Variants in MAP3K10 observed in about 807,000 individuals in gnomAD.
The protein encoded by MAP3K10 is MKN28 derived nonreceptor_type serine/threonine kinase.
MAP3K10 carries 22 observed loss-of-function variants against 75.0 expected under a neutral mutation model. The ratio of observed to expected loss-of-function variants is 0.29; its 90% CI spans 0.21 to 0.42. The LOEUF (loss-of-function observed/expected upper bound fraction) is 0.42. Among genes scored for constraint, MAP3K10 ranks in the 10% least tolerant of loss-of-function variants. MAP3K10 has a pLI of 1.00. For missense variants in MAP3K10, 1,165 were observed against 1,379.8 expected (o/e 0.84, Z 2.47); for synonymous variants, 599 against 612.9 (o/e 0.98, Z 0.34).
At position 40,214,018 on chromosome 19, in the gene MAP3K10, C is replaced by T; in HGVS notation, c.2339C>T (p.Pro780Leu). 2.0e-6 allele frequency: 3 copies of T among 1,508,052 alleles called. No individual in the cohort carries two copies. The highest frequency in any genetic ancestry group is 2.7e-6 in the Non-Finnish European group (3 of 1,131,608). 93.4% of individuals were successfully genotyped at this position (1,508,052 alleles called of 1,614,324 possible). A position where few individuals can be genotyped will look rare whatever the true frequency, so the allele number is the denominator to read the frequency against. ...GCCGCGCCCTCCCCACCACCCTCCC[C>T]GCCCGCGCCCACACCCACGCCCTCG... is the stretch of plus-strand genomic sequence containing the variant. ...APAAPSPPPS[P>L]PAPTPTPSPS... The change falls in exon 9 of 10, where the codon CCG becomes CTG. Residue 780 changes from proline to leucine, a missense_variant. Pro to Leu is a moderately conservative substitution (Grantham distance 98). Coordinates refer to ENST00000253055, the MANE Select transcript of MAP3K10 (RefSeq NM_002446.4).
chr19:40,198,656 C>T lies in MAP3K10; in HGVS notation c.863+101C>T. On this transcript the variant is annotated intron_variant, in intron 2 of 9. Coordinates refer to ENST00000253055, the MANE Select transcript of MAP3K10 (RefSeq NM_002446.4). This position sits in a 1 kb window ranked among gnomAD's most constrained non-coding sequence, Gnocchi z 4.3. ...GGGTCTCCTGCTGAAGCCAGGATCT[C>T]AGTCTGACAAAGGGACCTGCTGGCA... The T allele has an allele frequency of 7.9e-7, 1 of 1,265,798 alleles. No homozygotes were observed. The allele number at this position is 1,265,798 out of a possible 1,614,324, so 78.4% of individuals were successfully genotyped here.
rs1599921649 is a variant in MAP3K10 at position 40,215,477 on chromosome 19, A to C, written c.*185A>C. 1 of 604,260 alleles carries C rather than the reference A, an allele frequency of 1.7e-6. No individual in the cohort carries two copies. The allele number at this position is 604,260 out of a possible 1,614,324, so 37.4% of individuals were successfully genotyped here. A position where few individuals can be genotyped will look rare whatever the true frequency, so the allele number is the denominator to read the frequency against. ...CCCCAGGGGGTGGAGCCCTGTGCCC[A>C]CCCTGCACTGGGGGGAGGGTGGGCA... is the stretch of plus-strand genomic sequence containing the variant. On this transcript the variant is annotated 3_prime_UTR_variant, in exon 10 of 10. Coordinates refer to ENST00000253055, the MANE Select transcript of MAP3K10 (RefSeq NM_002446.4).
At chr19:40,200,055 G>T (rs1457259396) in intron 2 of MAP3K10, among the ~76,000 whole-genome samples, 1 of 152,118 alleles carries the variant, frequency 6.6e-6, no homozygotes, top group Non-Finnish European at 1.5e-5. Flanking sequence ...GGCACTTTGG[G>T]AGGCCGAGGT....
chr19:40,207,015 C>T (rs1302755189), intron 5 of MAP3K10, among the ~76,000 whole-genome samples: 1 of 152,110 alleles, frequency 6.6e-6, no homozygotes, highest in African/African-American at 2.4e-5. Context: ...ACAAGCATCG[C>T]TTGAACCCGG....
intron 5 of MAP3K10, among the ~76,000 whole-genome samples, chr19:40,207,056 G>C (rs1473737801): frequency 6.6e-6 from 1 of 151,814 alleles, no homozygotes; most frequent in African/African-American, 2.4e-5. Context: ...CCGAGATTGT[G>C]CCACTGCACT....
rs527390894 is a variant in MAP3K10 at position 40,200,451 on chromosome 19, T to A, written c.863+1896T>A. Among the ~76,000 whole-genome samples, 5 of 152,040 alleles carry A rather than the reference T, an allele frequency of 3.3e-5. No homozygotes were observed. In the East Asian group the frequency reaches 9.7e-4, roughly 29 times the overall value. On this transcript the variant is annotated intron_variant, in intron 2 of 9. Transcript: ENST00000253055. Reference sequence around the variant, plus strand: ...AAACCTGGGTCTCCCCATTTACTGTTCCCGTCAATTCCCAGCTGAGGCTCC... The same window carrying A: ...AAACCTGGGTCTCCCCATTTACTGTACCCGTCAATTCCCAGCTGAGGCTCC...
intron 1 of MAP3K10, among the ~76,000 whole-genome samples, chr19:40,196,924 A>G (rs1420651701): frequency 6.6e-6 from 1 of 152,178 alleles, no homozygotes; most frequent in East Asian, 1.9e-4. Context: ...CATGATCCTC[A>G]TGGCTGTTAG....
intron 2 of MAP3K10, among the ~76,000 whole-genome samples, chr19:40,201,864 T>C: frequency 6.7e-6 from 1 of 148,248 alleles, no homozygotes; most frequent in Non-Finnish European, 1.5e-5. Flanking sequence ...GTTTGTTACA[T>C]AGGTATACAT....
intron 2 of MAP3K10, among the ~76,000 whole-genome samples, chr19:40,202,354 ATGT>A (rs1973042393): frequency 6.6e-6 from 1 of 151,864 alleles, no homozygotes; most frequent in Admixed American, 6.6e-5. Flanking sequence ...TTTCTTACCC[ATGT>A]TGTTTTTGTT....
Position 40,215,067 on chromosome 19 carries a change from C to G in MAP3K10, c.2640C>G (p.Thr880=). The change falls in exon 10 of 10, where the codon ACC becomes ACG. Residue 880 remains threonine (T), a synonymous_variant. Coordinates refer to ENST00000253055, the MANE Select transcript of MAP3K10 (RefSeq NM_002446.4). ...RPPEFPGRPT[T]LTFAPRPRPA... ...CTGAGTTCCCAGGCCGCCCCACCAC[C>G]CTGACCTTTGCCCCGAGACCTCGGC... The G allele has an allele frequency of 6.2e-7, 1 of 1,609,702 alleles. No homozygotes were observed. Among genetic ancestry groups the G allele is most frequent in the African/African-American group, 1.3e-5 (1 of 74,480 alleles).
rs756990388 is a variant in MAP3K10, at chr19:40,209,177, C to G, written c.1510C>G (p.Pro504Ala). ...KRKGSDGASP[P>A]ASPSIIPRLR... ...GAAAGGATCCGATGGGGCCAGCCCCCCTGCAAGCCCCAGCATCATCCCCCG... is the reference window on the plus strand; with the variant it reads ...GAAAGGATCCGATGGGGCCAGCCCCGCTGCAAGCCCCAGCATCATCCCCCG... The change falls in exon 6 of 10, where the codon CCT (proline) becomes GCT (alanine). Residue 504 changes from proline to alanine, a missense_variant. Around this residue, in one of 2 missense-constraint regions of MAP3K10, gnomAD observed 575 missense variants for 793.2 expected, o/e 0.72. Coordinates refer to ENST00000253055, the MANE Select transcript of MAP3K10 (RefSeq NM_002446.4). 1.1e-5 allele frequency: 18 copies of G among 1,614,234 alleles called. No individual in the cohort carries two copies. Among genetic ancestry groups the G allele is most frequent in the African/African-American group, 6.7e-5 (5 of 75,074 alleles).
intron 1 of MAP3K10, among the ~76,000 whole-genome samples, chr19:40,193,329 G>A (rs1012518778): frequency 2.0e-5 from 3 of 152,174 alleles, no homozygotes; most frequent in East Asian, 1.9e-4. Context: ...TTCATAGGCC[G>A]AGCTGGCCAA....
chr19:40,192,970 A>T lies in MAP3K10; in HGVS notation c.682+257A>T, dbSNP rs751969196. Among the ~76,000 whole-genome samples, 3 of 152,176 alleles carry T rather than the reference A, an allele frequency of 2.0e-5. No individual in the cohort carries two copies. Among genetic ancestry groups the T allele is most frequent in the Non-Finnish European group, 2.9e-5 (2 of 68,028 alleles). ...TCGCTCAGTAAACATGTATCCATGA[A>T]CACCTGCGTTCCCTGCATGAACAGG... On this transcript the variant is annotated intron_variant, in intron 1 of 9. Transcript: ENST00000253055. The surrounding 1 kb of genome is among the most constrained non-coding windows in gnomAD (Gnocchi z 7.1).
At chr19:40,194,385 G>A (rs545108503) in intron 1 of MAP3K10, among the ~76,000 whole-genome samples, 3 of 151,996 alleles carry the variant, frequency 2.0e-5, no homozygotes, top group African/African-American at 4.8e-5. Context: ...ATGTGACCAC[G>A]ATGTGCCAGA....
At chr19:40,214,244 AG>A (rs1973307637) in intron 9 of MAP3K10, 23 bp downstream of exon 9, 5 of 1,371,412 alleles carry the variant, frequency 3.6e-6, no homozygotes, top group South Asian at 3.3e-5. Flanking sequence ...CCCTGCACCC[AG>A]GTCACAGAAA....
At position 40,192,231 on chromosome 19, in the gene MAP3K10, G is replaced by C; in HGVS notation, c.200G>C (p.Arg67Pro). The C allele has an allele frequency of 7.5e-6, 12 of 1,604,664 alleles. No homozygotes were observed. Among genetic ancestry groups the C allele is most frequent in the Non-Finnish European group, 8.5e-6 (10 of 1,177,278 alleles). Residue 67 changes from arginine to proline, a missense_variant, in exon 1 of 10, where the codon CGC becomes CCC. Around this residue, in one of 2 missense-constraint regions of MAP3K10, gnomAD observed 575 missense variants for 793.2 expected, o/e 0.72. Coordinates refer to ENST00000253055, the MANE Select transcript of MAP3K10 (RefSeq NM_002446.4). This position sits in a 1 kb window ranked among gnomAD's most constrained non-coding sequence, Gnocchi z 7.1. Reference sequence around the variant, plus strand: ...TGGACCGGGCAGCTCCCCAGCGGCCGCGTGGGCGTCTTCCCCAGCAACTAC... The same window carrying C: ...TGGACCGGGCAGCTCCCCAGCGGCCCCGTGGGCGTCTTCCCCAGCAACTAC... Reference protein sequence around the residue: ...GWWTGQLPSGRVGVFPSNYVA... With the variant: ...GWWTGQLPSGPVGVFPSNYVA...
intron 6 of MAP3K10, among the ~76,000 whole-genome samples, chr19:40,209,540 G>A (rs1347554010): frequency 6.6e-6 from 1 of 151,780 alleles, no homozygotes; most frequent in Admixed American, 6.6e-5. Context: ...AGCCTCCCGA[G>A]TAGCTGTGGT....
chr19:40,203,029 C>G (rs1449411186), intron 2 of MAP3K10, among the ~76,000 whole-genome samples: 1 of 152,202 alleles, frequency 6.6e-6, no homozygotes, highest in Non-Finnish European at 1.5e-5. Context: ...GCTTGGCACA[C>G]AGTAGGCACT....
intron 6 of MAP3K10, among the ~76,000 whole-genome samples, chr19:40,211,880 T>C (rs1348940451): frequency 6.6e-6 from 1 of 152,106 alleles, no homozygotes; most frequent in Non-Finnish European, 1.5e-5. Flanking sequence ...TGCACCACCA[T>C]GCCTGGCTAA....
Sources: allele counts gnomAD v4.1 joint callset (sites outside exome capture counted in the v4.1 genomes callset), GRCh38; gene constraint gnomAD v4.1.1; regional missense constraint gnomAD v4.1.1; non-coding constraint Gnocchi (gnomAD v3.1); transcripts MANE v1.5; gene names NCBI Gene and HGNC (gene_info 2026-07-23, HGNC 2026-07-21).